Variants in HS6ST2 observed in about 807,000 individuals in gnomAD.
HS6ST2 encodes the protein heparan sulfate 6-O-sulfotransferase 2.
A neutral mutation model predicts 33.0 loss-of-function variants in HS6ST2; 17 were observed. The observed-to-expected ratio is 0.52, with a 90% CI of 0.35 to 0.77. HS6ST2 has a LOEUF of 0.77. HS6ST2 is among the 30% of genes least tolerant of loss of function. The pLI is 0.01. For missense variants in HS6ST2, 519 were observed against 551.7 expected, an observed-to-expected ratio of 0.94 and a Z score of 0.59; for synonymous variants, 248 against 237.1, an observed-to-expected ratio of 1.05 and a Z score of -0.42.
chrX:132,898,396 T>TATAC (rs2066397295), intron 2 of HS6ST2, among the ~76,000 whole-genome samples: 1 of 104,105 alleles, frequency 9.6e-6, no homozygotes. Context: ...TATATATATA[T>TATAC]ATATATATAT....
At chrX:132,797,162 G>A (rs1427996154) in intron 2 of HS6ST2, among the ~76,000 whole-genome samples, 1 of 111,479 alleles carries the variant, frequency 9.0e-6, no homozygotes, top group Admixed American at 9.5e-5. Context: ...GAAGTCCATA[G>A]CCCACAGGTG....
At chrX:132,942,788 T>C (rs1210258657) in intron 2 of HS6ST2, among the ~76,000 whole-genome samples, 1 of 112,038 alleles carries the variant, frequency 8.9e-6, no homozygotes, top group Non-Finnish European at 1.9e-5. Context: ...CAGGTCACAA[T>C]TGGTCAAAGC....
chrX:132,843,398 T>C (rs966611635), intron 2 of HS6ST2, among the ~76,000 whole-genome samples: 1 of 111,956 alleles, frequency 8.9e-6, no homozygotes, highest in Admixed American at 9.5e-5. Flanking sequence ...ACAAGAATAA[T>C]AAAGTTAAAT....
At chrX:132,928,119 CTT>C (rs1195168624) in intron 2 of HS6ST2, among the ~76,000 whole-genome samples, 11 of 95,530 alleles carry the variant, frequency 1.2e-4, no homozygotes, top group Non-Finnish European at 8.4e-5. Flanking sequence ...TTGCCACACA[CTT>C]TTTTTTTTTT....
At chrX:132,722,222 CAA>C (rs1437652759) in intron 2 of HS6ST2, among the ~76,000 whole-genome samples, 2 of 99,792 alleles carry the variant, frequency 2.0e-5, no homozygotes, top group African/African-American at 7.3e-5. Context: ...ACCAGAGAAA[CAA>C]GAGCAAACCA....
At chrX:132,635,803 AC>A (rs2063548476) in intron 4 of HS6ST2, among the ~76,000 whole-genome samples, 2 of 110,438 alleles carry the variant, frequency 1.8e-5, no homozygotes, top group South Asian at 7.8e-4. Context: ...CTTGCTCTAT[AC>A]CCTATATGCT....
intron 2 of HS6ST2, among the ~76,000 whole-genome samples, chrX:132,798,346 A>T (rs1295426703): frequency 9.0e-6 from 1 of 110,756 alleles, no homozygotes; most frequent in African/African-American, 3.3e-5. Flanking sequence ...AGGAACAGGG[A>T]CCTCCTGGGG....
intron 4 of HS6ST2, among the ~76,000 whole-genome samples, chrX:132,663,168 T>C (rs113640689): frequency 4.4e-5 from 5 of 112,467 alleles, no homozygotes; most frequent in African/African-American, 1.6e-4. Context: ...TTCTTTCAAA[T>C]ACACAAAAGG....
At chrX:132,848,856 T>C (rs1227094247) in intron 2 of HS6ST2, among the ~76,000 whole-genome samples, 1 of 111,724 alleles carries the variant, frequency 9.0e-6, no homozygotes, top group Non-Finnish European at 1.9e-5. Flanking sequence ...GAAAGATGCA[T>C]GCTTACAGAG....
chrX:132,872,711 T>C (rs1202934916), intron 2 of HS6ST2, among the ~76,000 whole-genome samples: 1 of 111,916 alleles, frequency 8.9e-6, no homozygotes, highest in African/African-American at 3.2e-5. Context: ...CCTTATCCCT[T>C]TGGGATACTA....
At position 132,628,577 on chromosome X, in the gene HS6ST2, G is replaced by A. The variant is rs765930737; in HGVS notation, c.1584C>T (p.Tyr528=). Residue 528 remains tyrosine, a synonymous_variant, in exon 5 of 5, where the codon TAC becomes TAT. Transcript: ENST00000370833. ...EGLNFLDMEL[Y]SYAKDLFLQR... ...GCAAAAAAAGGTCTTTGGCATAGCTGTACAACTCCATATCCAGAAAATTCA... is the reference window on the plus strand; with the variant it reads ...GCAAAAAAAGGTCTTTGGCATAGCTATACAACTCCATATCCAGAAAATTCA... The A allele has an allele frequency of 5.0e-6, 6 of 1,211,140 alleles. No homozygotes were observed. The highest frequency in any genetic ancestry group is 6.7e-6 in the Non-Finnish European group (6 of 895,218).
chrX:132,702,247 C>T (rs1272870360), intron 3 of HS6ST2, among the ~76,000 whole-genome samples: 1 of 112,677 alleles, frequency 8.9e-6, no homozygotes, highest in East Asian at 2.8e-4. Context: ...TTAACAATAG[C>T]TTTTCCCTTT....
chrX:132,832,693 GA>G (rs2065601838), intron 2 of HS6ST2, among the ~76,000 whole-genome samples: 1 of 111,548 alleles, frequency 9.0e-6, no homozygotes, highest in African/African-American at 3.3e-5. Flanking sequence ...AAAAAATACA[GA>G]AGAAAAATCA....
At chrX:132,785,573 A>G (rs1341322317) in intron 2 of HS6ST2, among the ~76,000 whole-genome samples, 2 of 111,909 alleles carry the variant, frequency 1.8e-5, no homozygotes, top group Non-Finnish European at 3.8e-5. Context: ...GGGACACACT[A>G]ACATCATTGG....
chrX:132,894,441 C>G (rs1474223364), intron 2 of HS6ST2, among the ~76,000 whole-genome samples: 1 of 108,394 alleles, frequency 9.2e-6, no homozygotes, highest in Non-Finnish European at 1.9e-5. Flanking sequence ...GTGCCAGGCC[C>G]GGGTTTCAGA....
chrX:132,939,603 C>T (rs1036419849), intron 2 of HS6ST2, among the ~76,000 whole-genome samples: 4 of 110,866 alleles, frequency 3.6e-5, no homozygotes, highest in Non-Finnish European at 3.8e-5. Context: ...CCAGCCTGGC[C>T]GACAGAGACT....
At position 132,958,550 on chromosome X, in the gene HS6ST2, T is replaced by A; in HGVS notation, c.53A>T (p.Glu18Val). Residue 18 changes from glutamate (E) to valine (V), a missense_variant, in exon 1 of 5, where the codon GAG (glutamate) becomes GTG (valine). Physicochemically the swap from Glu to Val is moderately radical, Grantham distance 121. Coordinates refer to ENST00000370833, the MANE Select transcript of HS6ST2 (RefSeq NM_001394073.1). ...VREFEPPRQP[E>V]RGAPVRTTCP... ...GGTGGTGCGGACGGGCGCTCCTCGC[T>A]CCGGTTGCCGCGGCGGCTCGAACTC... is the stretch of plus-strand genomic sequence containing the variant. The A allele has an allele frequency of 8.4e-7, 1 of 1,183,477 alleles. No individual in the cohort carries two copies.
At chrX:132,714,046 A>G (rs2064253660) in intron 2 of HS6ST2, among the ~76,000 whole-genome samples, 1 of 112,054 alleles carries the variant, frequency 8.9e-6, no homozygotes, top group African/African-American at 3.2e-5. Context: ...ATAAACACGG[A>G]GCTATTCTAG....
At chrX:132,838,812 A>G (rs2148396011) in intron 2 of HS6ST2, among the ~76,000 whole-genome samples, 1 of 110,187 alleles carries the variant, frequency 9.1e-6, no homozygotes, top group Non-Finnish European at 1.9e-5. Flanking sequence ...AAAGCGGGCA[A>G]AAGACATGAA....
Sources: gnomAD v4.1 joint callset for allele counts (sites outside exome capture counted in the v4.1 genomes callset) on GRCh38, gnomAD v4.1.1 for gene constraint, MANE v1.5 for transcripts, NCBI Gene and HGNC (gene_info 2026-07-23, HGNC 2026-07-21) for gene names.